Variants in DHTKD1 observed in about 807,000 individuals in gnomAD.
The protein encoded by DHTKD1 is dehydrogenase E1 and transketolase domain containing 1, also known as 2-oxoadipate dehydrogenase complex component E1.
A neutral mutation model predicts 101.8 loss-of-function variants in DHTKD1; 78 were observed. The ratio of observed to expected loss-of-function variants is 0.77; its 90% confidence interval spans 0.64 to 0.93. The LOEUF is 0.93. DHTKD1 is among the 40% of genes least tolerant of loss of function. The pLI is 0.00. For missense variants in DHTKD1, 1,223 were observed against 1,161.7 expected (o/e 1.05, Z -0.77); for synonymous variants, 462 against 450.3 (o/e 1.03, Z -0.33).
intron 1 of DHTKD1, 84 bp downstream of exon 1, chr10:12,069,271 C>G: frequency 3.1e-4 from 143 of 461,362 alleles, no homozygotes; most frequent in South Asian, 2.3e-3. Context: ...GTGTCGGGGT[C>G]GGGGAACCGG....
At chr10:12,119,639 A>G (rs888021863) in intron 15 of DHTKD1, among the ~76,000 whole-genome samples, 3 of 151,176 alleles carry the variant, frequency 2.0e-5, no homozygotes, top group Non-Finnish European at 4.4e-5. Context: ...AAAAAAAGAA[A>G]GAAAATTTGG....
In DHTKD1 at chr10:12,118,851, A is replaced by G. The variant is rs1833468555; in HGVS notation, c.2505A>G (p.Val835=). 5 of 1,609,030 alleles carry G rather than the reference A, an allele frequency of 3.1e-6. No homozygotes were observed. Among genetic ancestry groups the G allele is most frequent in the Non-Finnish European group, 4.2e-6 (5 of 1,178,064 alleles). Residue 835 remains valine (V), a synonymous_variant, in exon 15 of 17, where the codon GTA becomes GTG. Coordinates refer to ENST00000263035, the MANE Select transcript of DHTKD1 (RefSeq NM_018706.7). The part of the protein sequence containing the change: ...AKKHDFAIIR[V]EELCPFPLDS... Reference sequence around the variant, plus strand: ...AGCATGACTTTGCCATCATCCGAGTAGAGGAACTCTGCCCCTTCCCGTTGG... The same window carrying G: ...AGCATGACTTTGCCATCATCCGAGTGGAGGAACTCTGCCCCTTCCCGTTGG...
At chr10:12,116,080 A>G (rs1488714000) in intron 13 of DHTKD1, among the ~76,000 whole-genome samples, 1 of 151,740 alleles carries the variant, frequency 6.6e-6, no homozygotes, top group African/African-American at 2.4e-5. Flanking sequence ...ACAGGCATGC[A>G]CCACCATGCC....
At chr10:12,096,019 C>G (rs558284260) in intron 7 of DHTKD1, among the ~76,000 whole-genome samples, 1 of 151,954 alleles carries the variant, frequency 6.6e-6, no homozygotes, top group South Asian at 2.1e-4. Flanking sequence ...AAAGAAAAAA[C>G]AAGAAGAAAA....
rs749833174 is a variant in DHTKD1 at position 12,120,822 on chromosome 10, C to T, written c.2694C>T (p.Pro898=). ...RLVGRPPLPV[P]AVGIGTVHLH... ...TGGGCCGGCCCCCTTTGCCAGTACC[C>T]GCTGTAGGAATTGGCACAGTTCACT... Residue 898 remains proline, a synonymous_variant, in exon 17 of 17, where the codon CCC becomes CCT. Coordinates refer to ENST00000263035, the MANE Select transcript of DHTKD1 (RefSeq NM_018706.7). The T allele has an allele frequency of 3.1e-6, 5 of 1,614,104 alleles. No individual in the cohort carries two copies. Among genetic ancestry groups the T allele is most frequent in the Middle Eastern group, 1.7e-4 (1 of 6,054 alleles).
chr10:12,102,422 CAAAA>C (rs752816882), intron 10 of DHTKD1, among the ~76,000 whole-genome samples: 2 of 64,820 alleles, frequency 3.1e-5, no homozygotes, highest in Non-Finnish European at 3.1e-5. Flanking sequence ...GACTCTGTCT[CAAAA>C]AAAAAAAAAA....
intron 1 of DHTKD1, among the ~76,000 whole-genome samples, chr10:12,073,682 C>G (rs1832683405): frequency 6.6e-6 from 1 of 152,262 alleles, no homozygotes; most frequent in South Asian, 2.1e-4. Flanking sequence ...TCTGGAAAAG[C>G]TCAGTCTGGC....
rs1209520481 is a variant in DHTKD1, at chr10:12,091,504, A to G, written c.988-9A>G. On this transcript the variant is annotated splice_polypyrimidine_tract_variant and intron_variant, in intron 5 of 16. Coordinates refer to ENST00000263035, the MANE Select transcript of DHTKD1 (RefSeq NM_018706.7). ...TCTCCCCACCCGCTCCCCTTGCCTCATGATTTAGGTCCATGGTGATGCTTC... is the reference window on the plus strand; with the variant it reads ...TCTCCCCACCCGCTCCCCTTGCCTCGTGATTTAGGTCCATGGTGATGCTTC... 6.4e-7 allele frequency: 1 copy of G among 1,553,348 alleles called. No homozygotes were observed. Among genetic ancestry groups the G allele is most frequent in the Admixed American group, 1.8e-5 (1 of 56,996 alleles).
intron 10 of DHTKD1, 126 bp from the exon 11 acceptor site, chr10:12,106,116 CAAAA>C: frequency 5.1e-6 from 5 of 984,836 alleles, no homozygotes; most frequent in Non-Finnish European, 6.1e-6. Flanking sequence ...AACAAACAAA[CAAAA>C]AGAATGTGGT....
intron 1 of DHTKD1, among the ~76,000 whole-genome samples, chr10:12,078,465 A>G (rs1168382919): frequency 2.0e-5 from 3 of 151,710 alleles, no homozygotes; most frequent in Admixed American, 6.6e-5. Flanking sequence ...CACAAAAATT[A>G]GCCGGGCATG....
chr10:12,071,393 G>T (rs976278149), intron 1 of DHTKD1, among the ~76,000 whole-genome samples: 1 of 152,328 alleles, frequency 6.6e-6, no homozygotes, highest in Admixed American at 6.5e-5. Flanking sequence ...TGCCACAGAG[G>T]TATAGTAATC....
At chr10:12,074,413 T>C (rs1049712543) in intron 1 of DHTKD1, among the ~76,000 whole-genome samples, 2 of 152,136 alleles carry the variant, frequency 1.3e-5, no homozygotes, top group Non-Finnish European at 2.9e-5. Context: ...TGGAGTGCAG[T>C]GGCACGATCT....
chr10:12,120,268 G>T lies in DHTKD1; in HGVS notation c.2658+1G>T, dbSNP rs1564400797. 2 of 1,612,714 alleles carry T rather than the reference G, an allele frequency of 1.2e-6. No individual in the cohort carries two copies. The highest frequency in any genetic ancestry group is 3.3e-5 in the Admixed American group (2 of 59,982). On this transcript the variant is annotated splice_donor_variant, in intron 16 of 16. Coordinates refer to ENST00000263035, the MANE Select transcript of DHTKD1 (RefSeq NM_018706.7). LOFTEE classifies it high-confidence loss of function. The stretch of plus-strand genomic sequence containing the variant: ...GTTTGAAAAGCAGCTGGCCTGCAAG[G>T]TAATCACACGTTTTCTCTGGTAGTG...
In DHTKD1 at chr10:12,098,013, T is replaced by A; in HGVS notation, c.1671+17T>A. ...CATGTTCAGGTGGGCAGCCTCCAAATGGCTGGTTATTGCTTCTCCTTCCTG... is the reference window on the plus strand; with the variant it reads ...CATGTTCAGGTGGGCAGCCTCCAAAAGGCTGGTTATTGCTTCTCCTTCCTG... On this transcript the variant is annotated intron_variant, in intron 8 of 16. Coordinates refer to ENST00000263035, the MANE Select transcript of DHTKD1 (RefSeq NM_018706.7). The A allele has an allele frequency of 6.3e-7, 1 of 1,582,712 alleles. No individual in the cohort carries two copies.
chr10:12,094,003 T>A, intron 6 of DHTKD1, 70 bp from the exon 7 acceptor site: 1 of 1,318,262 alleles, frequency 7.6e-7, no homozygotes. Flanking sequence ...ATGCAGGAAG[T>A]AGGGCTTAGA....
intron 4 of DHTKD1, among the ~76,000 whole-genome samples, 182 bp from the exon 5 acceptor site, chr10:12,088,804 C>T (rs113564561): frequency 6.6e-6 from 1 of 152,076 alleles, no homozygotes; most frequent in African/African-American, 2.4e-5. Flanking sequence ...AGGCTGGTCC[C>T]GAACTCCTGA....
intron 5 of DHTKD1, among the ~76,000 whole-genome samples, chr10:12,090,182 C>T (rs1832965969): frequency 6.6e-6 from 1 of 152,128 alleles, no homozygotes; most frequent in South Asian, 2.1e-4. Context: ...ATCATGAAAC[C>T]TGGATTTCAG....
At chr10:12,084,779 G>C in intron 3 of DHTKD1, 28 bp downstream of exon 3, 2 of 1,603,922 alleles carry the variant, frequency 1.2e-6, no homozygotes, top group East Asian at 4.5e-5. Context: ...GGCCGGGCAC[G>C]GTGGCTCATG....
chr10:12,101,027 T>C lies in DHTKD1; in HGVS notation c.1757-15T>C. On this transcript the variant is annotated splice_polypyrimidine_tract_variant and intron_variant, in intron 9 of 16. Transcript: ENST00000263035. Reference sequence around the variant, plus strand: ...ATTTATGGGAATCTGACTTTTTTTTTCTTGCTTGCTTAAGGTTTTAATGTT... The same window carrying C: ...ATTTATGGGAATCTGACTTTTTTTTCCTTGCTTGCTTAAGGTTTTAATGTT... 1 of 1,612,396 alleles carries C rather than the reference T, an allele frequency of 6.2e-7. No individual in the cohort carries two copies. Among genetic ancestry groups the C allele is most frequent in the Non-Finnish European group, 8.5e-7 (1 of 1,179,406 alleles).
Sources: allele counts gnomAD v4.1 joint callset (sites outside exome capture counted in the v4.1 genomes callset), GRCh38; gene constraint gnomAD v4.1.1; transcripts MANE v1.5; gene names NCBI Gene and HGNC (gene_info 2026-07-23, HGNC 2026-07-21).